The following UBN2 variants were observed in gnomAD, a reference collection of about 807,000 sequenced individuals.
The protein encoded by UBN2 is ubinuclein-2.
Under a neutral mutation model 120.2 loss-of-function variants are expected in UBN2, and 35 were observed. The observed-to-expected ratio is 0.29, with a 90% CI of 0.22 to 0.39. The LOEUF is 0.39. UBN2 is among the 10% of genes least tolerant of loss of function. The pLI, the probability that UBN2 is intolerant of heterozygous loss-of-function variation, is 1.00. For synonymous variants in UBN2, 661 were observed against 648.7 expected (o/e 1.02, Z -0.29); for missense variants, 1,693 against 1,663.2 (o/e 1.02, Z -0.31).
chr7:139,258,260 A>G (rs1186366983), intron 3 of UBN2, among the ~76,000 whole-genome samples: 1 of 152,192 alleles, frequency 6.6e-6, no homozygotes, highest in Non-Finnish European at 1.5e-5. Context: ...TGATATATTT[A>G]GAATATACTT....
In UBN2 at chr7:139,307,422, T is replaced by C. The variant is rs1798376754; in HGVS notation, c.*9586T>C. ...AGCATTTAGTGTGTCTTAAAAATTA[T>C]GTACTGTACCAGCCATGGATTTTTG... On this transcript the variant is annotated 3_prime_UTR_variant, in exon 18 of 18. Coordinates refer to ENST00000473989, the MANE Select transcript of UBN2 (RefSeq NM_173569.4). 6.6e-6 allele frequency: 1 copy of C among 151,954 alleles called. No individual in the cohort carries two copies. The highest frequency in any genetic ancestry group is 1.5e-5 in the Non-Finnish European group (1 of 68,014). 9.4% of individuals were successfully genotyped at this position (151,954 alleles called of 1,614,324 possible).
chr7:139,320,652 G>A, the UBN2 span, among the ~76,000 whole-genome samples: 45 of 152,138 alleles, frequency 3.0e-4, no homozygotes, highest in Admixed American at 2.2e-3. Context: ...GCGGTCAGAC[G>A]TTCAAGACCA....
the UBN2 span, among the ~76,000 whole-genome samples, chr7:139,321,625 G>T: frequency 6.6e-6 from 1 of 152,038 alleles, no homozygotes; most frequent in Non-Finnish European, 1.5e-5. Flanking sequence ...GGCTGGGCAG[G>T]TACCCTAGTG....
Position 139,293,572 on chromosome 7 carries a change from GTTTT to G in UBN2, c.3901+123_3901+126del, listed in dbSNP as rs201538099. On this transcript the variant is annotated intron_variant, in intron 16 of 17. Coordinates refer to ENST00000473989, the MANE Select transcript of UBN2 (RefSeq NM_173569.4). ...CCAGTTGGAGTTAATGAAGATTATA[GTTTT>G]TTTTTTTTTTTTTAAGAAATGCAGT... 9.6e-5 allele frequency: 66 copies of G among 690,470 alleles called. No individual in the cohort carries two copies. In the African/African-American group the frequency reaches 1.1e-3, roughly 11 times the overall value. 42.8% of individuals were successfully genotyped at this position (690,470 alleles called of 1,614,324 possible). A position where few individuals can be genotyped will look rare whatever the true frequency, so the allele number is the denominator to read the frequency against.
At chr7:139,270,192 G>A (rs1797228260) in intron 8 of UBN2, among the ~76,000 whole-genome samples, 2 of 151,030 alleles carry the variant, frequency 1.3e-5, no homozygotes, top group Non-Finnish European at 2.9e-5. Flanking sequence ...AAGAAATACT[G>A]TCTGCTTTCT....
rs1798232620 is a variant in UBN2, at chr7:139,300,650, G to A, written c.*2814G>A. 6.6e-6 allele frequency: 1 copy of A among 152,190 alleles called. No individual in the cohort carries two copies. Among genetic ancestry groups the A allele is most frequent in the South Asian group, 2.1e-4 (1 of 4,836 alleles). The allele number at this position is 152,190 out of a possible 1,614,324, so 9.4% of individuals were successfully genotyped here. The stretch of plus-strand genomic sequence containing the variant: ...CAACATCCAAATGCAAAAATAATCA[G>A]CACACATGATTATATCCCACTCCTT... On this transcript the variant is annotated 3_prime_UTR_variant, in exon 18 of 18. Transcript: ENST00000473989.
Position 139,258,506 on chromosome 7 carries a change from G to C in UBN2, c.682G>C (p.Ala228Pro). 6.3e-7 allele frequency: 1 copy of C among 1,593,316 alleles called. No individual in the cohort carries two copies. The highest frequency in any genetic ancestry group is 8.6e-7 in the Non-Finnish European group (1 of 1,168,944). ...AATCTAGTATGATGAATTAGTTCCC[G>C]CTTCTCTAACAACAAAATATGGAGG... ...NSEAYDELVP[A>P]SLTTKYGGFY... Residue 228 changes from alanine to proline, a missense_variant, in exon 4 of 18, where the codon GCT becomes CCT. Ala to Pro is a conservative substitution (Grantham distance 27). This residue lies in a region of UBN2 where 663 missense variants were observed against 591.2 expected (regional missense o/e 1.12). Coordinates refer to ENST00000473989, the MANE Select transcript of UBN2 (RefSeq NM_173569.4).
intron 8 of UBN2, among the ~76,000 whole-genome samples, chr7:139,271,939 C>T (rs1797289296): frequency 6.6e-6 from 1 of 152,142 alleles, no homozygotes; most frequent in Non-Finnish European, 1.5e-5. Flanking sequence ...AGTGTCTATT[C>T]TTAGGGTACT....
At chr7:139,323,703 C>A in the UBN2 span, among the ~76,000 whole-genome samples, 2 of 151,888 alleles carry the variant, frequency 1.3e-5, no homozygotes, top group Admixed American at 1.3e-4. Flanking sequence ...AATTCCCTTG[C>A]CTCAGCCTCC....
chr7:139,270,411 G>A (rs1354433992), intron 8 of UBN2, among the ~76,000 whole-genome samples: 1 of 151,724 alleles, frequency 6.6e-6, no homozygotes, highest in African/African-American at 2.4e-5. Context: ...TGTGATTACA[G>A]GCACCCGCCA....
chr7:139,234,679 A>G (rs1796116604), intron 1 of UBN2, among the ~76,000 whole-genome samples: 2 of 152,214 alleles, frequency 1.3e-5, no homozygotes, highest in African/African-American at 4.8e-5. Context: ...TTGATACACA[A>G]GAAAAGGTTT....
intron 13 of UBN2, among the ~76,000 whole-genome samples, chr7:139,280,558 A>T (rs1797577104): frequency 6.6e-6 from 1 of 151,980 alleles, no homozygotes. Flanking sequence ...TTGTGGCCAG[A>T]TGGTCATTAT....
At chr7:139,319,874 C>T in the UBN2 span, among the ~76,000 whole-genome samples, 4 of 151,948 alleles carry the variant, frequency 2.6e-5, no homozygotes, top group East Asian at 5.8e-4. Flanking sequence ...CAGGAGATGG[C>T]GACCATCCTG....
intron 5 of UBN2, among the ~76,000 whole-genome samples, chr7:139,260,016 C>T (rs1349690501): frequency 6.6e-6 from 1 of 152,090 alleles, no homozygotes; most frequent in East Asian, 1.9e-4. Flanking sequence ...TATTCTGCCT[C>T]CCTCAGCCTC....
rs539019664 is a variant in UBN2, at chr7:139,272,382, G to A, written c.1657G>A (p.Glu553Lys). ...ACTGGCTGTTAGCAATGTCATGCCT[G>A]AACAGCTATTTAAATACCAGGAGGA... ...LKLAVSNVMP[E>K]QLFKYQEDCQ... The change falls in exon 9 of 18, where the codon GAA becomes AAA. Residue 553 changes from glutamate (E) to lysine (K), a missense_variant. This residue lies in a region of UBN2 where 178 missense variants were observed against 204.0 expected (regional missense o/e 0.87). Coordinates refer to ENST00000473989, the MANE Select transcript of UBN2 (RefSeq NM_173569.4). 1.2e-6 allele frequency: 2 copies of A among 1,613,958 alleles called. No individual in the cohort carries two copies. Among genetic ancestry groups the A allele is most frequent in the East Asian group, 4.5e-5 (2 of 44,884 alleles).
chr7:139,272,456 A>G lies in UBN2; in HGVS notation c.1715+16A>G. 1.9e-6 allele frequency: 3 copies of G among 1,589,700 alleles called. No individual in the cohort carries two copies. Among genetic ancestry groups the G allele is most frequent in the Non-Finnish European group, 2.6e-6 (3 of 1,163,918 alleles). ...AGTGTGCCAAGTATGTATCTCTTCT[A>G]TTTGGACTGGCTTTTGCATTTGAGA... On this transcript the variant is annotated intron_variant, in intron 9 of 17. Coordinates refer to ENST00000473989, the MANE Select transcript of UBN2 (RefSeq NM_173569.4).
chr7:139,289,774 T>C (rs1235571458), intron 15 of UBN2, among the ~76,000 whole-genome samples: 1 of 152,180 alleles, frequency 6.6e-6, no homozygotes, highest in East Asian at 1.9e-4. Context: ...AAAAGATTCC[T>C]TTTATTAACA....
chr7:139,272,206 C>G (rs1797297275), intron 8 of UBN2, 116 bp from the exon 9 acceptor site: 2 of 679,634 alleles, frequency 2.9e-6, no homozygotes, highest in Middle Eastern at 3.0e-4. Flanking sequence ...TTTAGATATG[C>G]TAATATTTCA....
chr7:139,317,797 G>A, the UBN2 span, among the ~76,000 whole-genome samples: 1 of 151,940 alleles, frequency 6.6e-6, no homozygotes. Context: ...CAAGTAGCCG[G>A]GATCATAAGT....
Sources: gnomAD v4.1 joint callset for allele counts (sites outside exome capture counted in the v4.1 genomes callset) on GRCh38, gnomAD v4.1.1 for gene constraint, gnomAD v4.1.1 regional missense constraint, MANE v1.5 for transcripts, NCBI Gene and HGNC (gene_info 2026-07-23, HGNC 2026-07-21) for gene names.